Variants in FHIP1A observed in about 807,000 individuals in gnomAD.
FHIP1A encodes the protein FHF complex subunit HOOK interacting protein 1A.
Under a neutral mutation model 88.6 loss-of-function variants are expected in FHIP1A, and 61 were observed. That is an observed-to-expected ratio of 0.69 (90% CI 0.56 to 0.85). The LOEUF (loss-of-function observed/expected upper bound fraction) is 0.85. Among genes scored for constraint, FHIP1A ranks in the 40% least tolerant of loss-of-function variants. The pLI is 0.00. For synonymous variants in FHIP1A, 478 were observed against 496.0 expected, an observed-to-expected ratio of 0.96 and a Z score of 0.48; for missense variants, 1,154 against 1,273.5, an observed-to-expected ratio of 0.91 and a Z score of 1.43.
chr4:151,448,083 G>C (rs527966687), intron 1 of FHIP1A, among the ~76,000 whole-genome samples: 1 of 151,458 alleles, frequency 6.6e-6, no homozygotes, highest in Non-Finnish European at 1.5e-5. Flanking sequence ...TAATTTTTTT[G>C]GTATTTTTTT....
intron 2 of FHIP1A, among the ~76,000 whole-genome samples, chr4:151,473,323 A>T (rs775354704): frequency 1.2e-4 from 19 of 152,064 alleles, no homozygotes; most frequent in East Asian, 3.9e-4. Flanking sequence ...TCTTTTTTTT[A>T]AAATTTATTT....
chr4:151,618,565 T>A (rs1001074013), intron 7 of FHIP1A, among the ~76,000 whole-genome samples: 4 of 152,238 alleles, frequency 2.6e-5, no homozygotes, highest in Non-Finnish European at 5.9e-5. Context: ...TTTTCTATTA[T>A]CCTGTAGATC....
At position 151,492,377 on chromosome 4, in the gene FHIP1A, A is replaced by G. The variant is rs536480104; in HGVS notation, c.-123+9729A>G. 1.7e-3 allele frequency among the ~76,000 whole-genome samples: 253 copies of G among 152,138 alleles called. 1 individual carries two copies. Among genetic ancestry groups the G allele is most frequent in the African/African-American group, 5.9e-3 (243 of 41,482 alleles). ...GAGGCTGAGGTGGGTGGATCACCTG[A>G]GGTCAGGAGTTCGATAACAGCCTGA... On this transcript the variant is annotated intron_variant, in intron 3 of 13. Transcript: ENST00000435205.
chr4:151,497,830 T>A (rs1323720046), intron 3 of FHIP1A, among the ~76,000 whole-genome samples: 1 of 152,246 alleles, frequency 6.6e-6, no homozygotes, highest in Non-Finnish European at 1.5e-5. Context: ...CCCCATCCTG[T>A]CTTTAGTCTG....
intron 2 of FHIP1A, among the ~76,000 whole-genome samples, chr4:151,480,830 C>T (rs1408121443): frequency 6.6e-6 from 1 of 151,892 alleles, no homozygotes; most frequent in African/African-American, 2.4e-5. Flanking sequence ...ACTGTGTCCC[C>T]CCACCCCCAT....
At chr4:151,467,412 G>T (rs1158711569) in intron 2 of FHIP1A, among the ~76,000 whole-genome samples, 2 of 152,194 alleles carry the variant, frequency 1.3e-5, no homozygotes, top group African/African-American at 2.4e-5. Context: ...GGAAGACAGT[G>T]TGGTGATTCC....
At chr4:151,621,834 C>T (rs1488904560) in intron 7 of FHIP1A, among the ~76,000 whole-genome samples, 1 of 151,450 alleles carries the variant, frequency 6.6e-6, no homozygotes, top group East Asian at 1.9e-4. Context: ...TCGAGGTTGC[C>T]ATAATTGAAG....
At position 151,660,610 on chromosome 4, in the gene FHIP1A, G is replaced by C. The variant is rs542401566; in HGVS notation, c.2870-1891G>C. Among the ~76,000 whole-genome samples the C allele has an allele frequency of 2.6e-5, 4 of 152,362 alleles. No homozygotes were observed. The South Asian group carries it at 8.3e-4, about 32-fold the overall frequency. On this transcript the variant is annotated intron_variant, in intron 13 of 13. Transcript: ENST00000435205. ...GTTATCAGATAGGGCTCAGCCCTGA[G>C]AAAGGTTGGAGTCTAGCAGAGGTGA...
intron 1 of FHIP1A, among the ~76,000 whole-genome samples, chr4:151,440,264 G>A (rs904115709): frequency 4.6e-5 from 7 of 152,154 alleles, no homozygotes; most frequent in Admixed American, 2.6e-4. Flanking sequence ...TGGGGATTAC[G>A]AGTGTTACAA....
chr4:151,607,118 C>G (rs1476345978), intron 7 of FHIP1A, among the ~76,000 whole-genome samples: 1 of 152,198 alleles, frequency 6.6e-6, no homozygotes, highest in African/African-American at 2.4e-5. Context: ...TGTCCGAGAT[C>G]CAGTTGTAAC....
chr4:151,506,626 A>G (rs945024669), intron 3 of FHIP1A, among the ~76,000 whole-genome samples: 5 of 152,110 alleles, frequency 3.3e-5, no homozygotes, highest in Admixed American at 1.3e-4. Context: ...GCTTTTTTTA[A>G]CAGTCAGTTC....
intron 7 of FHIP1A, among the ~76,000 whole-genome samples, chr4:151,603,535 A>G (rs1352881326): frequency 2.6e-5 from 4 of 152,044 alleles, no homozygotes; most frequent in Admixed American, 6.5e-5. Context: ...CATGATTGCT[A>G]TCCTTGCTCT....
chr4:151,528,832 TC>T (rs1009563469), intron 3 of FHIP1A, among the ~76,000 whole-genome samples: 6 of 151,954 alleles, frequency 3.9e-5, no homozygotes, highest in Non-Finnish European at 7.4e-5. Flanking sequence ...AATAATATTT[TC>T]CCCCCCTTCA....
intron 11 of FHIP1A, among the ~76,000 whole-genome samples, chr4:151,651,456 G>A (rs945043285): frequency 1.3e-5 from 2 of 152,178 alleles, no homozygotes; most frequent in African/African-American, 4.8e-5. Flanking sequence ...GCAAGGAGAG[G>A]GGCTGGAAGA....
intron 2 of FHIP1A, among the ~76,000 whole-genome samples, chr4:151,459,959 T>C (rs551089865): frequency 2.2e-4 from 33 of 152,314 alleles, no homozygotes; most frequent in South Asian, 8.3e-4. Context: ...CTTAATTTTA[T>C]GGACAAATGA....
intron 2 of FHIP1A, among the ~76,000 whole-genome samples, chr4:151,461,699 C>G (rs1243165529): frequency 1.3e-5 from 2 of 152,102 alleles, no homozygotes; most frequent in African/African-American, 4.8e-5. Flanking sequence ...AAATGTGGAG[C>G]CACGGCAGTT....
chr4:151,451,794 T>C (rs1220251984), intron 1 of FHIP1A, among the ~76,000 whole-genome samples: 1 of 107,750 alleles, frequency 9.3e-6, no homozygotes, highest in African/African-American at 3.5e-5. Flanking sequence ...TTTTTCTTTT[T>C]TCTTTTTCTT....
intron 1 of FHIP1A, among the ~76,000 whole-genome samples, chr4:151,445,522 G>C (rs1419535121): frequency 6.6e-6 from 1 of 151,898 alleles, no homozygotes; most frequent in Non-Finnish European, 1.5e-5. Flanking sequence ...GATTGATTCT[G>C]ATGACAACCA....
chr4:151,610,779 A>T (rs1208224660), intron 7 of FHIP1A, among the ~76,000 whole-genome samples: 1 of 152,172 alleles, frequency 6.6e-6, no homozygotes, highest in Non-Finnish European at 1.5e-5. Context: ...TGATCAGTGC[A>T]GGCATAGACA....
Sources: gnomAD v4.1 joint callset for allele counts (sites outside exome capture counted in the v4.1 genomes callset) on GRCh38, gnomAD v4.1.1 for gene constraint, MANE v1.5 for transcripts, NCBI Gene and HGNC (gene_info 2026-07-23, HGNC 2026-07-21) for gene names.